The following HGF variants were observed in gnomAD, a reference collection of about 807,000 sequenced individuals.
The protein encoded by HGF is hepatocyte growth factor.
A neutral mutation model predicts 111.6 loss-of-function variants in HGF; 39 were observed. The ratio of observed to expected loss-of-function variants is 0.35; its 90% confidence interval spans 0.27 to 0.46. The LOEUF (loss-of-function observed/expected upper bound fraction) is 0.46. Among genes scored for constraint, HGF ranks in the 20% least tolerant of loss-of-function variants. The pLI, the probability that HGF is intolerant of heterozygous loss-of-function variation, is 1.00. For missense variants in HGF, 735 were observed against 910.5 expected (o/e 0.81, Z 2.48); for synonymous variants, 285 against 294.8 (o/e 0.97, Z 0.34).
At chr7:81,755,368 A>AT (rs1393633306) in intron 4 of HGF, 1 of 152,154 alleles carries the variant, frequency 6.6e-6, no homozygotes, top group Non-Finnish European at 1.5e-5. Flanking sequence ...TAAGCTGCTA[A>AT]TTGATGAAAA....
chr7:81,734,270 C>T (rs914811067), intron 7 of HGF, among the ~76,000 whole-genome samples: 2 of 152,068 alleles, frequency 1.3e-5, no homozygotes, highest in Non-Finnish European at 2.9e-5. Flanking sequence ...GCAGTGGCTA[C>T]CCATTGGAAG....
At chr7:81,765,300 A>C (rs78777036) in intron 1 of HGF, among the ~76,000 whole-genome samples, 2,214 of 152,188 alleles carry the variant, frequency 0.015, 59 homozygotes, top group African/African-American at 0.051. Flanking sequence ...GATTGTATTT[A>C]ATTCTAAATC....
chr7:81,756,060 A>T (rs1788754329), intron 4 of HGF: 1 of 701,646 alleles, frequency 1.4e-6, no homozygotes. Flanking sequence ...AGTCATCACC[A>T]CCACTGCAAA....
chr7:81,760,394 G>A (rs572725384), intron 2 of HGF, among the ~76,000 whole-genome samples: 21 of 152,222 alleles, frequency 1.4e-4, no homozygotes, highest in Admixed American at 4.6e-4. Context: ...GAATCTCTAG[G>A]AAATCAATAT....
At chr7:81,742,576 C>G (rs960417250) in intron 7 of HGF, 4 of 433,502 alleles carry the variant, frequency 9.2e-6, no homozygotes, top group African/African-American at 4.2e-5. Context: ...AAAATTAGCC[C>G]TGTATTCAAA....
At chr7:81,749,626 A>G (rs112136337) in intron 5 of HGF, among the ~76,000 whole-genome samples, 1,692 of 152,140 alleles carry the variant, frequency 0.011, 31 homozygotes, top group African/African-American at 0.037. Context: ...TGTACAATAT[A>G]ATATTATTAT....
chr7:81,750,167 T>C (rs1788432327), intron 5 of HGF, among the ~76,000 whole-genome samples: 1 of 152,188 alleles, frequency 6.6e-6, no homozygotes, highest in African/African-American at 2.4e-5. Flanking sequence ...TATAAGTCAC[T>C]CTTTTTCTCT....
chr7:81,703,833 A>C (rs1466698815), intron 17 of HGF, among the ~76,000 whole-genome samples: 1 of 151,690 alleles, frequency 6.6e-6, no homozygotes, highest in African/African-American at 2.4e-5. Flanking sequence ...TGATGGGGAA[A>C]ACCAAGTTAG....
At chr7:81,739,485 G>A (rs1232905997) in intron 7 of HGF, among the ~76,000 whole-genome samples, 3 of 152,114 alleles carry the variant, frequency 2.0e-5, no homozygotes, top group Non-Finnish European at 4.4e-5. Context: ...ACAATTATCA[G>A]TACTCCATAA....
rs114578121 is a variant in HGF, at chr7:81,724,349, G to T, written c.1168+1541C>A. 6.1e-3 allele frequency among the ~76,000 whole-genome samples: 928 copies of T among 152,268 alleles called. 7 individuals are homozygous for T. The highest frequency in any genetic ancestry group is 0.021 in the African/African-American group (881 of 41,550). ...ACACTGTGGAAAAAGTTAAAGGATA[G>T]AAGTATGCCTAGGGCAGTAGGTCTA... is the stretch of plus-strand genomic sequence containing the variant. On this transcript the variant is annotated intron_variant, in intron 9 of 17. Transcript: ENST00000222390.
At chr7:81,722,460 C>T (rs919684777) in intron 9 of HGF, among the ~76,000 whole-genome samples, 10 of 151,788 alleles carry the variant, frequency 6.6e-5, no homozygotes, top group South Asian at 4.2e-4. Flanking sequence ...CCACTGCGCC[C>T]GGCCATATTG....
At chr7:81,735,702 CT>C (rs1396608165) in intron 7 of HGF, among the ~76,000 whole-genome samples, 1 of 151,934 alleles carries the variant, frequency 6.6e-6, no homozygotes, top group Non-Finnish European at 1.5e-5. Context: ...CTATATTAGT[CT>C]GCTCTTGCTG....
chr7:81,768,665 C>T (rs1789484649), intron 1 of HGF, among the ~76,000 whole-genome samples: 1 of 152,188 alleles, frequency 6.6e-6, no homozygotes, highest in Non-Finnish European at 1.5e-5. Context: ...AGGCGTGAGC[C>T]ACCGCACCCG....
intron 9 of HGF, among the ~76,000 whole-genome samples, chr7:81,721,319 A>T (rs547382660): frequency 2.0e-5 from 3 of 152,342 alleles, no homozygotes; most frequent in South Asian, 2.1e-4. Context: ...ATCTCAGATT[A>T]AAAAATCTTT....
chr7:81,760,680 CGTGTGTGTGTGT>C (rs55865050), intron 2 of HGF, among the ~76,000 whole-genome samples: 30 of 139,570 alleles, frequency 2.1e-4, no homozygotes, highest in South Asian at 9.8e-4. Flanking sequence ...TATGTGCGTG[CGTGTGTGTGTGT>C]GTGTGTGTGT....
At chr7:81,751,828 T>C (rs1348317436) in intron 5 of HGF, 1 of 1,215,194 alleles carries the variant, frequency 8.2e-7, no homozygotes, top group Non-Finnish European at 1.0e-6. Context: ...TTGAGGTATG[T>C]GAGCTCAAGA....
At chr7:81,725,825 T>G in intron 9 of HGF, 65 bp downstream of exon 9, 1 of 1,555,080 alleles carries the variant, frequency 6.4e-7, no homozygotes, top group Non-Finnish European at 8.9e-7. Flanking sequence ...CTGTAAAATG[T>G]GTCCTCCCTT....
chr7:81,748,663 TAAAACAAAAC>T (rs10654214), intron 5 of HGF, among the ~76,000 whole-genome samples: 12 of 150,074 alleles, frequency 8.0e-5, no homozygotes, highest in Non-Finnish European at 1.2e-4. Context: ...AGTTCTCCTC[TAAAACAAAAC>T]AAAACAAAAC....
At chr7:81,760,738 T>C (rs935287428) in intron 2 of HGF, among the ~76,000 whole-genome samples, 1 of 150,406 alleles carries the variant, frequency 6.6e-6, no homozygotes, top group Admixed American at 6.6e-5. Context: ...AGGAGGATTT[T>C]ACCATTTCTG....
Sources: gnomAD v4.1 joint callset for allele counts (sites outside exome capture counted in the v4.1 genomes callset) on GRCh38, gnomAD v4.1.1 for gene constraint, MANE v1.5 for transcripts, NCBI Gene and HGNC (gene_info 2026-07-23, HGNC 2026-07-21) for gene names.